Variants in ZNF587B observed in about 807,000 individuals in gnomAD.
ZNF587B encodes the protein zinc finger protein 587B.
ZNF587B carries 6 observed loss-of-function variants against 7.2 expected under a neutral mutation model. That is an observed-to-expected ratio of 0.83 (90% CI 0.46 to 1.65). The LOEUF (loss-of-function observed/expected upper bound fraction) is 1.65. ZNF587B is among the 40% of genes most tolerant of loss of function. The pLI, the probability that ZNF587B is intolerant of heterozygous loss-of-function variation, is 0.01. For missense variants in ZNF587B, 749 were observed against 761.0 expected (o/e 0.98, Z 0.19); for synonymous variants, 274 against 254.3 (o/e 1.08, Z -0.74).
intron 1 of ZNF587B, among the ~76,000 whole-genome samples, chr19:57,832,250 C>A (rs1283982861): frequency 6.6e-6 from 1 of 151,664 alleles, no homozygotes; most frequent in Non-Finnish European, 1.5e-5. Flanking sequence ...CTATGCCCGG[C>A]TTATTTTTGC....
chr19:57,836,455 G>A (rs2562047), intron 1 of ZNF587B, among the ~76,000 whole-genome samples: 31 of 151,384 alleles, frequency 2.0e-4, no homozygotes, highest in Middle Eastern at 3.4e-3. Flanking sequence ...ATATTGGTAT[G>A]ACCACAAATG....
Position 57,841,660 on chromosome 19 carries a change from G to T in ZNF587B, c.986G>T (p.Gly329Val), listed in dbSNP as rs1200442591. The T allele has an allele frequency of 2.5e-6, 4 of 1,603,408 alleles. No individual in the cohort carries two copies. Among genetic ancestry groups the T allele is most frequent in the Non-Finnish European group, 3.4e-6 (4 of 1,175,078 alleles). Reference sequence around the variant, plus strand: ...GCTGGAAAAGGGCCTTATGAGTGTGGAGAATGTGGGAAATCTTTTAGTTCA... The same window carrying T: ...GCTGGAAAAGGGCCTTATGAGTGTGTAGAATGTGGGAAATCTTTTAGTTCA... The part of the protein sequence containing the change: ...VHAGKGPYEC[G>V]ECGKSFSSNV... The change falls in exon 3 of 3, where the codon GGA becomes GTA. Residue 329 changes from glycine (G) to valine (V), a missense_variant. Physicochemically the swap from Gly to Val is moderately radical, Grantham distance 109 (BLOSUM62 -3). This residue lies in a region of ZNF587B where 656 missense variants were observed against 596.5 expected (regional missense o/e 1.10). Coordinates refer to ENST00000594901, the MANE Select transcript of ZNF587B (RefSeq NM_001376223.1).
rs1224100948 is a variant in ZNF587B, at chr19:57,842,289, G to T, written c.1615G>T (p.Val539Phe). 2 of 1,612,280 alleles carry T rather than the reference G, an allele frequency of 1.2e-6. No homozygotes were observed. The stretch of plus-strand genomic sequence containing the variant: ...ATTTACCCACAGCTGTGCATTCATT[G>T]TTCATAAGAGAGTTCACACTGGTCA... ...KSFTHSCAFIVHKRVHTGQKP... is the reference protein window; with the variant it reads ...KSFTHSCAFIFHKRVHTGQKP... Residue 539 changes from valine (V) to phenylalanine (F), a missense_variant, in exon 3 of 3, where the codon GTT (valine) becomes TTT (phenylalanine). Val to Phe is a conservative substitution (Grantham distance 50, BLOSUM62 -1). This residue lies in a region of ZNF587B where 656 missense variants were observed against 596.5 expected (regional missense o/e 1.10). Coordinates refer to ENST00000594901, the MANE Select transcript of ZNF587B (RefSeq NM_001376223.1).
At chr19:57,836,964 A>T (rs953095692) in intron 1 of ZNF587B, among the ~76,000 whole-genome samples, 7 of 97,348 alleles carry the variant, frequency 7.2e-5, no homozygotes, top group South Asian at 6.5e-4. Context: ...CCGTCATAAA[A>T]AAAAAAAAAA....
At position 57,841,415 on chromosome 19, in the gene ZNF587B, T is replaced by G; in HGVS notation, c.741T>G (p.Cys247Trp). The change falls in exon 3 of 3, where the codon TGT becomes TGG. Residue 247 changes from cysteine to tryptophan, a missense_variant. Around this residue, in one of 3 missense-constraint regions of ZNF587B, gnomAD observed 656 missense variants for 596.5 expected, o/e 1.10. Transcript: ENST00000594901. ...AAGAATGTTATGTGTGCTGTGAATG[T>G]GGGAAATCCTTTAGCAAATATGTTA... ...PREECYVCCE[C>W]GKSFSKYVSF... 6.3e-7 allele frequency: 1 copy of G among 1,584,520 alleles called. No individual in the cohort carries two copies. Among genetic ancestry groups the G allele is most frequent in the Non-Finnish European group, 8.6e-7 (1 of 1,164,480 alleles).
chr19:57,835,905 A>G (rs1185185733), intron 1 of ZNF587B, among the ~76,000 whole-genome samples: 1 of 150,900 alleles, frequency 6.6e-6, no homozygotes, highest in African/African-American at 2.5e-5. Flanking sequence ...CCCATTTTGG[A>G]GGGCACACTT....
chr19:57,840,101 A>G, intron 2 of ZNF587B, among the ~76,000 whole-genome samples: 1 of 112,794 alleles, frequency 8.9e-6, no homozygotes, highest in South Asian at 2.7e-4. Context: ...AAAAAAAAAA[A>G]AAAAAAAAAA....
Position 57,841,666 on chromosome 19 carries a change from G to T in ZNF587B, c.992G>T (p.Cys331Phe). ...AAAGGGCCTTATGAGTGTGGAGAAT[G>T]TGGGAAATCTTTTAGTTCAAACGTG... The part of the protein sequence containing the change: ...AGKGPYECGE[C>F]GKSFSSNVNL... Residue 331 changes from cysteine (C) to phenylalanine (F), a missense_variant, in exon 3 of 3, where the codon TGT becomes TTT. Around this residue, in one of 3 missense-constraint regions of ZNF587B, gnomAD observed 656 missense variants for 596.5 expected, o/e 1.10. Coordinates refer to ENST00000594901, the MANE Select transcript of ZNF587B (RefSeq NM_001376223.1). The T allele has an allele frequency of 1.9e-6, 3 of 1,604,692 alleles. No homozygotes were observed. The highest frequency in any genetic ancestry group is 1.1e-5 in the South Asian group (1 of 90,080).
chr19:57,841,280 G>A lies in ZNF587B; in HGVS notation c.606G>A (p.Glu202=), dbSNP rs1450364656. 4.3e-6 allele frequency: 7 copies of A among 1,614,122 alleles called. No individual in the cohort carries two copies. The East Asian group carries it at 6.7e-5, about 15-fold the overall frequency. Residue 202 remains glutamate, a synonymous_variant, in exon 3 of 3, where the codon GAG becomes GAA. Transcript: ENST00000594901. ...GGGAGAAGTCAAACAGCAAAACTGA[G>A]TGTGTGTCTCCCTTTCAGTGTGGGG... is the stretch of plus-strand genomic sequence containing the variant. ...HTGEKSNSKT[E]CVSPFQCGGA...
chr19:57,842,895 ATGT>A lies in ZNF587B; in HGVS notation c.*321_*323del. On this transcript the variant is annotated 3_prime_UTR_variant, in exon 3 of 3. Coordinates refer to ENST00000594901, the MANE Select transcript of ZNF587B (RefSeq NM_001376223.1). Reference sequence around the variant, plus strand: ...ACTACGGAAATGCCTTTTGAATGTAATGTTTGCAAAAAAGCACTGTGCCTTCTG... The same window carrying A: ...ACTACGGAAATGCCTTTTGAATGTAATTGCAAAAAAGCACTGTGCCTTCTG... The A allele has an allele frequency of 1.0e-6, 1 of 985,442 alleles. No individual in the cohort carries two copies. Among genetic ancestry groups the A allele is most frequent in the South Asian group, 4.7e-5 (1 of 21,288 alleles). 61.0% of individuals were successfully genotyped at this position (985,442 alleles called of 1,614,324 possible). A position where few individuals can be genotyped will look rare whatever the true frequency, so the allele number is the denominator to read the frequency against.
chr19:57,839,132 C>T lies in ZNF587B; in HGVS notation c.146C>T (p.Ala49Val), dbSNP rs137979012. 148 of 1,614,166 alleles carry T rather than the reference C, an allele frequency of 9.2e-5. No homozygotes were observed. The East Asian group carries it at 3.3e-3, about 36-fold the overall frequency. ...CGTGATGTGACTCTGGAGAACCTGG[C>T]ACTTATGTCCTCCCTGGGTAAGTTG... is the stretch of plus-strand genomic sequence containing the variant. Reference protein sequence around the residue: ...LYRDVTLENLALMSSLGCWCG... With the variant: ...LYRDVTLENLVLMSSLGCWCG... Residue 49 changes from alanine (A) to valine (V), a missense_variant, in exon 2 of 3, where the codon GCA becomes GTA. Transcript: ENST00000594901.
At position 57,844,234 on chromosome 19, in the gene ZNF587B, C is replaced by G. The variant is rs1446597287; in HGVS notation, c.*1658C>G. ...GGACTATTTTGGCTAAGCATGGTGG[C>G]TCATGCCTGTAATCCCAACACTTTG... On this transcript the variant is annotated 3_prime_UTR_variant, in exon 3 of 3. Coordinates refer to ENST00000594901, the MANE Select transcript of ZNF587B (RefSeq NM_001376223.1). 3 of 436,214 alleles carry G rather than the reference C, an allele frequency of 6.9e-6. No homozygotes were observed. The Admixed American group carries it at 7.6e-5, about 11-fold the overall frequency. 27.0% of individuals were successfully genotyped at this position (436,214 alleles called of 1,614,324 possible). A position where few individuals can be genotyped will look rare whatever the true frequency, so the allele number is the denominator to read the frequency against.
chr19:57,838,812 T>G (rs541949420), intron 1 of ZNF587B, among the ~76,000 whole-genome samples: 8 of 152,116 alleles, frequency 5.3e-5, no homozygotes, highest in African/African-American at 1.4e-4. Context: ...CTGTCAGGAG[T>G]GGGTGGACTT....
rs989559721 is a variant in ZNF587B at position 57,843,614 on chromosome 19, T to G, written c.*1038T>G. The G allele has an allele frequency of 2.2e-6, 2 of 913,718 alleles. No homozygotes were observed. The highest frequency in any genetic ancestry group is 1.9e-5 in the African/African-American group (1 of 51,760). The allele number at this position is 913,718 out of a possible 1,614,324, so 56.6% of individuals were successfully genotyped here. A position where few individuals can be genotyped will look rare whatever the true frequency, so the allele number is the denominator to read the frequency against. Reference sequence around the variant, plus strand: ...TGTTTTTTTTTGTTTTTTTTTTTTTTTTTTTTGGAGACAAAGTTTCACTGT... The same window carrying G: ...TGTTTTTTTTTGTTTTTTTTTTTTTGTTTTTTGGAGACAAAGTTTCACTGT... On this transcript the variant is annotated 3_prime_UTR_variant, in exon 3 of 3. Coordinates refer to ENST00000594901, the MANE Select transcript of ZNF587B (RefSeq NM_001376223.1).
intron 1 of ZNF587B, among the ~76,000 whole-genome samples, chr19:57,837,584 G>C (rs1479090542): frequency 6.6e-6 from 1 of 151,884 alleles, no homozygotes; most frequent in African/African-American, 2.4e-5. Context: ...AAGTATCTGG[G>C]ACTACAGGTG....
rs562662142 is a variant in ZNF587B at position 57,843,639 on chromosome 19, T to C, written c.*1063T>C. 2.3e-5 allele frequency: 19 copies of C among 835,930 alleles called. No individual in the cohort carries two copies. The African/African-American group carries it at 3.8e-4, about 17-fold the overall frequency. 51.8% of individuals were successfully genotyped at this position (835,930 alleles called of 1,614,324 possible). On this transcript the variant is annotated 3_prime_UTR_variant, in exon 3 of 3. Coordinates refer to ENST00000594901, the MANE Select transcript of ZNF587B (RefSeq NM_001376223.1). ...TTTTTTTGGAGACAAAGTTTCACTGTCACCGATACTGGAGTGCAGTGGTGT... is the reference window on the plus strand; with the variant it reads ...TTTTTTTGGAGACAAAGTTTCACTGCCACCGATACTGGAGTGCAGTGGTGT...
chr19:57,830,524 G>T lies in ZNF587B; in HGVS notation c.-5G>T. On this transcript the variant is annotated 5_prime_UTR_variant, in exon 1 of 3. Coordinates refer to ENST00000594901, the MANE Select transcript of ZNF587B (RefSeq NM_001376223.1). ...TCCCAACCCTGCTTTAAACCACGTGGTTCGATGGCGGTGGTGGCCACGCTG... is the reference window on the plus strand; with the variant it reads ...TCCCAACCCTGCTTTAAACCACGTGTTTCGATGGCGGTGGTGGCCACGCTG... The T allele has an allele frequency of 6.5e-7, 1 of 1,549,536 alleles. No individual in the cohort carries two copies. The highest frequency in any genetic ancestry group is 8.7e-7 in the Non-Finnish European group (1 of 1,147,058).
chr19:57,830,333 T>A lies in ZNF587B; in HGVS notation c.-196T>A, dbSNP rs1988321365. 5.4e-6 allele frequency: 3 copies of A among 551,878 alleles called. No homozygotes were observed. Among genetic ancestry groups the A allele is most frequent in the Non-Finnish European group, 9.6e-6 (3 of 312,962 alleles). 34.2% of individuals were successfully genotyped at this position (551,878 alleles called of 1,614,324 possible). On this transcript the variant is annotated 5_prime_UTR_variant, in exon 1 of 3. Coordinates refer to ENST00000594901, the MANE Select transcript of ZNF587B (RefSeq NM_001376223.1). ...TGGGTTTATTTGTCGGAGAGGCTCCTGAGCGCTAGGTCGGCACTGCGGTGA... is the reference window on the plus strand; with the variant it reads ...TGGGTTTATTTGTCGGAGAGGCTCCAGAGCGCTAGGTCGGCACTGCGGTGA...
At chr19:57,835,706 A>G (rs1988574540) in intron 1 of ZNF587B, among the ~76,000 whole-genome samples, 1 of 142,188 alleles carries the variant, frequency 7.0e-6, no homozygotes, top group South Asian at 2.3e-4. Context: ...TAGAAGCTGT[A>G]TCAGCTGAGA....
Sources: allele counts gnomAD v4.1 joint callset (sites outside exome capture counted in the v4.1 genomes callset), GRCh38; gene constraint gnomAD v4.1.1; regional missense constraint gnomAD v4.1.1; transcripts MANE v1.5; gene names NCBI Gene and HGNC (gene_info 2026-07-23, HGNC 2026-07-21).